The following TP63 variants were observed in gnomAD, a reference collection of about 807,000 sequenced individuals.
The protein encoded by TP63 is tumor protein 63.
In TP63, 17 loss-of-function variants were observed where a neutral mutation model predicts 82.8. The ratio of observed to expected loss-of-function variants is 0.21; its 90% confidence interval spans 0.14 to 0.31. The LOEUF (loss-of-function observed/expected upper bound fraction) is 0.31. Ranked by LOEUF, TP63 falls within the 10% of genes least tolerant of loss-of-function variation. TP63 has a pLI of 1.00. For synonymous variants in TP63, 330 were observed against 321.7 expected (o/e 1.03, Z -0.28); for missense variants, 648 against 895.3 (o/e 0.72, Z 3.52).
At chr3:189,889,192 G>A in intron 11 of TP63, 148 bp from the exon 12 acceptor site, 1 of 1,135,560 alleles carries the variant, frequency 8.8e-7, no homozygotes, top group Non-Finnish European at 1.3e-6. Context: ...GATGTAGGCT[G>A]TTTGAAGGGG....
intron 1 of TP63, among the ~76,000 whole-genome samples, chr3:189,643,707 C>T (rs940543666): frequency 7.9e-5 from 12 of 152,146 alleles, no homozygotes; most frequent in African/African-American, 2.7e-4. Flanking sequence ...GCTAGCTTGT[C>T]TTAACTGAAG....
chr3:189,728,942 C>A (rs1035118763), intron 1 of TP63, among the ~76,000 whole-genome samples: 1 of 152,194 alleles, frequency 6.6e-6, no homozygotes, highest in Admixed American at 6.5e-5. Context: ...TATCAGCTAG[C>A]TAAACAATTT....
At chr3:189,637,402 A>C (rs1256701109) in intron 1 of TP63, among the ~76,000 whole-genome samples, 1 of 152,170 alleles carries the variant, frequency 6.6e-6, no homozygotes, top group South Asian at 2.1e-4. Context: ...TCATGTAAGC[A>C]TACCTCAAGT....
chr3:189,877,327 C>T (rs1719348079), intron 10 of TP63, among the ~76,000 whole-genome samples: 2 of 152,198 alleles, frequency 1.3e-5, no homozygotes, highest in South Asian at 4.1e-4. Flanking sequence ...CAAGGGACAT[C>T]AACGCTTAAG....
chr3:189,857,176 A>T (rs1045939949), intron 4 of TP63, among the ~76,000 whole-genome samples: 1 of 152,158 alleles, frequency 6.6e-6, no homozygotes. Flanking sequence ...TGGATAGACA[A>T]ATAGATCAAT....
intron 3 of TP63, among the ~76,000 whole-genome samples, chr3:189,754,440 T>C (rs1303496103): frequency 6.6e-6 from 1 of 152,166 alleles, no homozygotes; most frequent in African/African-American, 2.4e-5. Flanking sequence ...ATTTTGATCT[T>C]TAAATAGATA....
intron 1 of TP63, among the ~76,000 whole-genome samples, chr3:189,674,237 AGC>A (rs1006055697): frequency 7.2e-5 from 11 of 152,146 alleles, no homozygotes; most frequent in African/African-American, 2.7e-4. Context: ...AAAATGAGAT[AGC>A]ATTGTTCCAG....
At chr3:189,641,632 C>G (rs942321746) in intron 1 of TP63, among the ~76,000 whole-genome samples, 1 of 152,120 alleles carries the variant, frequency 6.6e-6, no homozygotes, top group Non-Finnish European at 1.5e-5. Context: ...GCATCAGTAT[C>G]TCATCATATC....
the TP63 span, among the ~76,000 whole-genome samples, chr3:189,601,894 G>A: frequency 1.3e-5 from 2 of 152,190 alleles, no homozygotes; most frequent in African/African-American, 4.8e-5. Flanking sequence ...GGATTGGAAA[G>A]AGATGCCCAC....
At chr3:189,875,937 G>A (rs1719167829) in intron 10 of TP63, among the ~76,000 whole-genome samples, 1 of 152,016 alleles carries the variant, frequency 6.6e-6, no homozygotes, top group Admixed American at 6.5e-5. Flanking sequence ...CTCATTGTCA[G>A]ATGAGGCTGG....
chr3:189,685,585 A>G (rs528267125), intron 1 of TP63, among the ~76,000 whole-genome samples: 3 of 152,168 alleles, frequency 2.0e-5, no homozygotes, highest in Non-Finnish European at 2.9e-5. Flanking sequence ...TTTTAACTCT[A>G]TATTTCCCAA....
chr3:189,876,002 G>A (rs2108829291), intron 10 of TP63, among the ~76,000 whole-genome samples: 1 of 152,198 alleles, frequency 6.6e-6, no homozygotes, highest in African/African-American at 2.4e-5. Flanking sequence ...CTATGTGAAA[G>A]CATTAAGGAT....
At chr3:189,601,247 T>C in the TP63 span, among the ~76,000 whole-genome samples, 2 of 152,156 alleles carry the variant, frequency 1.3e-5, no homozygotes, top group Non-Finnish European at 2.9e-5. Flanking sequence ...GAGGGAACTT[T>C]AAAGCTTCTA....
At chr3:189,645,300 TG>T in intron 1 of TP63, 1 of 474,586 alleles carries the variant, frequency 2.1e-6, no homozygotes. Context: ...TCTCTTGAAC[TG>T]CCCTTCTTTG....
chr3:189,761,398 G>C (rs7633192), intron 3 of TP63, among the ~76,000 whole-genome samples: 100,687 of 152,024 alleles, frequency 0.66, 34,045 homozygotes, highest in African/African-American at 0.8. Flanking sequence ...GTTCAAAGTT[G>C]TGCAAATCTG....
rs559368181 is a variant in TP63, at chr3:189,837,510, T to C, written c.580-26722T>C. Among the ~76,000 whole-genome samples the C allele has an allele frequency of 6.5e-5, 5 of 76,418 alleles. No individual in the cohort carries two copies. In the South Asian group the frequency reaches 2.0e-3, roughly 30 times the overall value. 50.1% of individuals were successfully genotyped at this position (76,418 alleles called of 152,430 possible). ...AAGAAATTTAAGAAACTTCTTAAAA[T>C]TTTTACTTATCCTTTCTAGCTAGAG... On this transcript the variant is annotated intron_variant, in intron 4 of 13. Coordinates refer to ENST00000264731, the MANE Select transcript of TP63 (RefSeq NM_003722.5).
chr3:189,722,028 G>A (rs969518232), intron 1 of TP63, among the ~76,000 whole-genome samples: 3 of 152,184 alleles, frequency 2.0e-5, no homozygotes, highest in African/African-American at 4.8e-5. Context: ...AGGATGGATT[G>A]GAGAGATCTT....
chr3:189,683,185 A>G (rs1410079616), intron 1 of TP63, among the ~76,000 whole-genome samples: 2 of 152,326 alleles, frequency 1.3e-5, no homozygotes, highest in Non-Finnish European at 2.9e-5. Context: ...TAAAGGATTC[A>G]TCATATCTAA....
intron 10 of TP63, among the ~76,000 whole-genome samples, chr3:189,873,787 T>C (rs1160655765): frequency 1.3e-5 from 2 of 152,200 alleles, no homozygotes; most frequent in Non-Finnish European, 2.9e-5. Flanking sequence ...TTTACCTTTC[T>C]GTGGTTAAAA....
Sources: allele counts gnomAD v4.1 joint callset (sites outside exome capture counted in the v4.1 genomes callset), GRCh38; gene constraint gnomAD v4.1.1; transcripts MANE v1.5; gene names NCBI Gene and HGNC (gene_info 2026-07-23, HGNC 2026-07-21).